The following FBXL17 variants were observed in gnomAD, a reference collection of about 807,000 sequenced individuals.
FBXL17 encodes the protein F-box and leucine rich repeat protein 17, also known as F-box/LRR-repeat protein 17.
A neutral mutation model predicts 66.2 loss-of-function variants in FBXL17; 22 were observed. The ratio of observed to expected loss-of-function variants is 0.33; its 90% CI spans 0.24 to 0.47. The LOEUF (loss-of-function observed/expected upper bound fraction) is 0.47. FBXL17 is among the 20% of genes least tolerant of loss of function. The pLI, the probability that FBXL17 is intolerant of heterozygous loss-of-function variation, is 1.00. For missense variants in FBXL17, 878 were observed against 948.2 expected (o/e 0.93, Z 0.97); for synonymous variants, 474 against 400.5 (o/e 1.18, Z -2.19).
chr5:107,916,447 T>G (rs1475537418), intron 7 of FBXL17, among the ~76,000 whole-genome samples: 1 of 152,202 alleles, frequency 6.6e-6, no homozygotes, highest in Non-Finnish European at 1.5e-5. Flanking sequence ...TCCTGAAAGC[T>G]GCATCACCTC....
At chr5:108,121,745 GA>G in intron 6 of FBXL17, among the ~76,000 whole-genome samples, 1 of 152,226 alleles carries the variant, frequency 6.6e-6, no homozygotes, top group Non-Finnish European at 1.5e-5. Flanking sequence ...TTTTAGTAGA[GA>G]GGGGGTTTCA....
intron 5 of FBXL17, among the ~76,000 whole-genome samples, chr5:108,202,798 A>G (rs914192538): frequency 2.0e-5 from 3 of 152,168 alleles, no homozygotes; most frequent in Non-Finnish European, 4.4e-5. Flanking sequence ...GGTTGACTGC[A>G]GGTAACTGAC....
At chr5:108,243,002 A>G (rs951990895) in intron 4 of FBXL17, among the ~76,000 whole-genome samples, 1 of 152,206 alleles carries the variant, frequency 6.6e-6, no homozygotes, top group Non-Finnish European at 1.5e-5. Context: ...TTTTCTAACT[A>G]TTTAAAACTC....
chr5:108,215,944 T>G (rs1379917485), intron 5 of FBXL17, among the ~76,000 whole-genome samples: 2 of 139,616 alleles, frequency 1.4e-5, no homozygotes, highest in Non-Finnish European at 3.2e-5. Context: ...TTGCACCATG[T>G]GCTTAAGAGA....
At chr5:108,180,356 C>G (rs1051577976) in intron 6 of FBXL17, among the ~76,000 whole-genome samples, 2 of 151,806 alleles carry the variant, frequency 1.3e-5, no homozygotes, top group African/African-American at 4.8e-5. Flanking sequence ...ACTAAAAACA[C>G]AAAAATTAGC....
intron 4 of FBXL17, among the ~76,000 whole-genome samples, chr5:108,332,931 A>G (rs2150241135): frequency 7.0e-6 from 1 of 143,878 alleles, no homozygotes; most frequent in South Asian, 2.3e-4. Flanking sequence ...ATGAAAAGCA[A>G]AAGCAAAAGC....
chr5:108,042,630 G>A (rs767437018), intron 6 of FBXL17, among the ~76,000 whole-genome samples: 15 of 152,168 alleles, frequency 9.9e-5, no homozygotes, highest in Non-Finnish European at 1.5e-4. Flanking sequence ...TCCATGATAT[G>A]CACATACCAC....
At position 108,335,401 on chromosome 5, in the gene FBXL17, T is replaced by G. The variant is rs181798040; in HGVS notation, c.1506+12998A>C. Among the ~76,000 whole-genome samples, 238 of 151,864 alleles carry G rather than the reference T, an allele frequency of 1.6e-3. 1 individual carries two copies. The highest frequency in any genetic ancestry group is 5.5e-3 in the African/African-American group (228 of 41,410). On this transcript the variant is annotated intron_variant, in intron 4 of 8. Transcript: ENST00000542267. ...GAAAAGTAGGACCAGAAGAGGAAACTGCATGATTATAAGTTACAAGCAAAT... is the reference window on the plus strand; with the variant it reads ...GAAAAGTAGGACCAGAAGAGGAAACGGCATGATTATAAGTTACAAGCAAAT...
rs79480819 is a variant in FBXL17 at position 108,301,246 on chromosome 5, T to G, written c.1506+47153A>C. Among the ~76,000 whole-genome samples, 464 of 151,846 alleles carry G rather than the reference T, an allele frequency of 3.1e-3. 8 individuals are homozygous for G. The East Asian group carries it at 0.072, about 24-fold the overall frequency. On this transcript the variant is annotated intron_variant, in intron 4 of 8. Coordinates refer to ENST00000542267, the MANE Select transcript of FBXL17 (RefSeq NM_001163315.3). The stretch of plus-strand genomic sequence containing the variant: ...AGTCTTAAGATAGAGGGGACACATA[T>G]GTATATAGATGAATTAAGTGATAAA...
chr5:108,308,917 T>A (rs1758983645), intron 4 of FBXL17, among the ~76,000 whole-genome samples: 1 of 152,094 alleles, frequency 6.6e-6, no homozygotes, highest in African/African-American at 2.4e-5. Context: ...TGAAAGGTAA[T>A]CTGCCAATAG....
chr5:107,974,388 T>C (rs1752503110), intron 7 of FBXL17, among the ~76,000 whole-genome samples: 1 of 152,082 alleles, frequency 6.6e-6, no homozygotes, highest in East Asian at 1.9e-4. Flanking sequence ...TATTATACAG[T>C]TAAACAAAAA....
intron 2 of FBXL17, among the ~76,000 whole-genome samples, chr5:108,367,149 C>A (rs1748718147): frequency 6.6e-6 from 1 of 152,036 alleles, no homozygotes; most frequent in Non-Finnish European, 1.5e-5. Context: ...AAATGCTATT[C>A]TTATTGACAT....
At chr5:108,162,644 A>G (rs1752259441) in intron 6 of FBXL17, among the ~76,000 whole-genome samples, 1 of 152,224 alleles carries the variant, frequency 6.6e-6, no homozygotes, top group African/African-American at 2.4e-5. Context: ...AATGTTTCTC[A>G]AAATAGCTCA....
intron 7 of FBXL17, among the ~76,000 whole-genome samples, chr5:107,945,006 G>C (rs1343173999): frequency 6.6e-6 from 1 of 151,826 alleles, no homozygotes; most frequent in Non-Finnish European, 1.5e-5. Context: ...ATTCATACCA[G>C]TAAAAAATAT....
intron 4 of FBXL17, among the ~76,000 whole-genome samples, chr5:108,300,203 A>G (rs1758524626): frequency 6.6e-6 from 1 of 151,978 alleles, no homozygotes; most frequent in Non-Finnish European, 1.5e-5. Flanking sequence ...ACTCATTGAT[A>G]CTAAAGAACT....
At chr5:108,220,290 C>A (rs1020039856) in intron 5 of FBXL17, among the ~76,000 whole-genome samples, 2 of 152,078 alleles carry the variant, frequency 1.3e-5, no homozygotes, top group African/African-American at 4.8e-5. Flanking sequence ...GTCTCCCTGG[C>A]CTTTCTGTTC....
chr5:108,256,128 C>T (rs1756567352), intron 4 of FBXL17, among the ~76,000 whole-genome samples: 1 of 152,126 alleles, frequency 6.6e-6, no homozygotes, highest in African/African-American at 2.4e-5. Context: ...TCTTCCATTT[C>T]GGTTATTTGC....
intron 7 of FBXL17, among the ~76,000 whole-genome samples, chr5:107,950,829 G>C (rs936261319): frequency 6.6e-6 from 1 of 152,182 alleles, no homozygotes; most frequent in Non-Finnish European, 1.5e-5. Flanking sequence ...TGATGGACGT[G>C]ATTAATGTGT....
At chr5:108,117,650 T>C (rs1750316044) in intron 6 of FBXL17, among the ~76,000 whole-genome samples, 2 of 152,088 alleles carry the variant, frequency 1.3e-5, no homozygotes, top group East Asian at 3.9e-4. Flanking sequence ...TGAGTATTTT[T>C]CAAAAAACGT....
Sources: gnomAD v4.1 joint callset for allele counts (sites outside exome capture counted in the v4.1 genomes callset) on GRCh38, gnomAD v4.1.1 for gene constraint, MANE v1.5 for transcripts, NCBI Gene and HGNC (gene_info 2026-07-23, HGNC 2026-07-21) for gene names.